Variants in TBXAS1 observed in about 807,000 individuals in gnomAD.
TBXAS1 encodes thromboxane-A synthase.
Under a neutral mutation model 60.7 loss-of-function variants are expected in TBXAS1, and 48 were observed. That is an observed-to-expected ratio of 0.79 (90% CI 0.63 to 1.01). The LOEUF is 1.01. Among genes scored for constraint, TBXAS1 ranks in the 50% least tolerant of loss-of-function variants. TBXAS1 has a pLI of 0.00. For synonymous variants in TBXAS1, 287 were observed against 269.7 expected, an observed-to-expected ratio of 1.06 and a Z score of -0.63; for missense variants, 685 against 686.3, an observed-to-expected ratio of 1.00 and a Z score of 0.02.
At chr7:139,971,022 C>T (rs1300504146) in intron 9 of TBXAS1, among the ~76,000 whole-genome samples, 1 of 152,138 alleles carries the variant, frequency 6.6e-6, no homozygotes, top group Non-Finnish European at 1.5e-5. Context: ...AAGAGCATGT[C>T]TCTGATGCCA....
intron 3 of TBXAS1, among the ~76,000 whole-genome samples, chr7:139,877,379 C>T (rs1452768357): frequency 2.0e-5 from 3 of 152,070 alleles, no homozygotes; most frequent in East Asian, 1.9e-4. Context: ...TTTCTCTTAC[C>T]GTTGTGTGGT....
chr7:139,899,700 T>G (rs1804423629), intron 3 of TBXAS1, among the ~76,000 whole-genome samples: 1 of 152,186 alleles, frequency 6.6e-6, no homozygotes, highest in Admixed American at 6.5e-5. Context: ...CCTTACCTCT[T>G]TAATTGGGCT....
chr7:139,917,324 A>G (rs569494947), intron 4 of TBXAS1, among the ~76,000 whole-genome samples: 1 of 152,148 alleles, frequency 6.6e-6, no homozygotes, highest in Non-Finnish European at 1.5e-5. Context: ...TCTTCTTCTT[A>G]TAACACCCAC....
intron 1 of TBXAS1, among the ~76,000 whole-genome samples, chr7:139,779,037 A>T (rs1477743703): frequency 2.0e-5 from 3 of 152,216 alleles, no homozygotes; most frequent in Non-Finnish European, 4.4e-5. Flanking sequence ...TGCCCTTAGT[A>T]AGGGCAACTA....
Position 139,803,455 on chromosome 7 carries a change from C to G in TBXAS1, c.-80+16029C>G, listed in dbSNP as rs143693100. Among the ~76,000 whole-genome samples, 35 of 152,174 alleles carry G rather than the reference C, an allele frequency of 2.3e-4. No individual in the cohort carries two copies. In the East Asian group the frequency reaches 6.2e-3, roughly 27 times the overall value. On this transcript the variant is annotated intron_variant, in intron 4 of 16. Coordinates refer to the TBXAS1 transcript ENST00000336425. ...GCATGAAAGTTTGGAAAATTTTCAGCCTGATGATGCAATAGAAAAGAAAAA... is the reference window on the plus strand; with the variant it reads ...GCATGAAAGTTTGGAAAATTTTCAGGCTGATGATGCAATAGAAAAGAAAAA...
At chr7:139,929,965 C>T (rs1009860286) in intron 4 of TBXAS1, among the ~76,000 whole-genome samples, 1 of 152,226 alleles carries the variant, frequency 6.6e-6, no homozygotes, top group Non-Finnish European at 1.5e-5. Flanking sequence ...CAAAACTCTG[C>T]TATGACTACC....
intron 10 of TBXAS1, 99 bp downstream of exon 10, chr7:140,007,281 G>A: frequency 8.9e-7 from 1 of 1,129,928 alleles, no homozygotes; most frequent in Non-Finnish European, 1.3e-6. Flanking sequence ...GTTACCACTT[G>A]TGTTTCTGGA....
chr7:140,006,782 A>C (rs929979608), intron 9 of TBXAS1, among the ~76,000 whole-genome samples: 4 of 152,206 alleles, frequency 2.6e-5, no homozygotes, highest in African/African-American at 9.7e-5. Flanking sequence ...TCTATGCTGC[A>C]CTTGGTCGGC....
intron 9 of TBXAS1, among the ~76,000 whole-genome samples, chr7:139,993,640 AGCTATGGGAT>A (rs1813081910): frequency 6.6e-6 from 1 of 152,122 alleles, no homozygotes; most frequent in Non-Finnish European, 1.5e-5. Context: ...AATCCCATCT[AGCTATGGGAT>A]GCCTAGTTTC....
At chr7:139,977,671 C>T (rs890443043) in intron 9 of TBXAS1, among the ~76,000 whole-genome samples, 5 of 152,094 alleles carry the variant, frequency 3.3e-5, no homozygotes, top group African/African-American at 1.2e-4. Context: ...AGAGCCTCTC[C>T]CTCCACCACC....
At chr7:139,784,670 T>G (rs543381299) in intron 3 of TBXAS1, among the ~76,000 whole-genome samples, 1 of 152,194 alleles carries the variant, frequency 6.6e-6, no homozygotes, top group Non-Finnish European at 1.5e-5. Flanking sequence ...GGAATGACGC[T>G]GGAGATTGTA....
chr7:139,823,046 G>A (rs1798340543), intron 4 of TBXAS1, among the ~76,000 whole-genome samples: 1 of 151,696 alleles, frequency 6.6e-6, no homozygotes, highest in South Asian at 2.1e-4. Context: ...AGTTTCCCAT[G>A]CCTTTGAGCA....
chr7:139,905,637 A>G (rs982732136), intron 3 of TBXAS1, among the ~76,000 whole-genome samples: 2 of 152,106 alleles, frequency 1.3e-5, no homozygotes, highest in Admixed American at 6.6e-5. Context: ...TCATAGAATG[A>G]GTTAGGGAGG....
chr7:139,984,504 T>TC (rs143141647), intron 9 of TBXAS1, among the ~76,000 whole-genome samples: 1,975 of 151,664 alleles, frequency 0.013, 31 homozygotes, highest in Middle Eastern at 0.044. Context: ...CCTTTTGAAC[T>TC]AGAAATTTTT....
At chr7:139,991,868 G>C (rs1178186684) in intron 9 of TBXAS1, among the ~76,000 whole-genome samples, 4 of 152,210 alleles carry the variant, frequency 2.6e-5, no homozygotes, top group Non-Finnish European at 5.9e-5. Flanking sequence ...CTAGCAGGTG[G>C]GGCAAGAGGG....
chr7:139,923,881 G>T (rs1211983677), intron 4 of TBXAS1, among the ~76,000 whole-genome samples: 1 of 152,090 alleles, frequency 6.6e-6, no homozygotes, highest in Non-Finnish European at 1.5e-5. Context: ...ACAAATAAGT[G>T]AGAACATGCC....
chr7:139,997,187 C>T (rs1217011369), intron 9 of TBXAS1, among the ~76,000 whole-genome samples: 1 of 152,218 alleles, frequency 6.6e-6, no homozygotes, highest in Admixed American at 6.5e-5. Flanking sequence ...CCCCTCACCC[C>T]ACACACTCTG....
At chr7:140,007,501 G>GTTCA (rs1364987175) in intron 10 of TBXAS1, among the ~76,000 whole-genome samples, 1 of 152,036 alleles carries the variant, frequency 6.6e-6, no homozygotes, top group African/African-American at 2.4e-5. Context: ...TCATTCATTC[G>GTTCA]TTCATTCATT....
At chr7:139,855,692 C>T (rs1276804611) in intron 1 of TBXAS1, among the ~76,000 whole-genome samples, 1 of 152,152 alleles carries the variant, frequency 6.6e-6, no homozygotes, top group Non-Finnish European at 1.5e-5. Context: ...AGGGGAAGTA[C>T]TAAGACCACA....
Sources: allele counts gnomAD v4.1 joint callset (sites outside exome capture counted in the v4.1 genomes callset), GRCh38; gene constraint gnomAD v4.1.1; transcripts MANE v1.5; gene names NCBI Gene and HGNC (gene_info 2026-07-23, HGNC 2026-07-21).